The following SCN9A variants were observed in gnomAD, a reference collection of about 807,000 sequenced individuals.
The protein encoded by SCN9A is sodium voltage-gated channel alpha subunit 9.
Under a neutral mutation model 187.0 loss-of-function variants are expected in SCN9A, and 131 were observed. The observed-to-expected ratio is 0.70, with a 90% CI of 0.61 to 0.81. The LOEUF is 0.81. SCN9A is among the 30% of genes least tolerant of loss of function. The pLI, the probability that SCN9A is intolerant of heterozygous loss-of-function variation, is 0.00. For missense variants in SCN9A, 2,252 were observed against 2,396.6 expected (o/e 0.94, Z 1.26); for synonymous variants, 809 against 808.6 (o/e 1.00, Z -0.01).
Position 166,197,300 on chromosome 2 carries a change from A to T in SCN9A, c.*1372T>A, listed in dbSNP as rs1258273355. On this transcript the variant is annotated 3_prime_UTR_variant, in exon 27 of 27. Transcript: ENST00000642356. ...TTAATAGGTGTTTTCAAAAAACTAG[A>T]TGTCTACAGCTAATGCAAAATGAAT... The T allele has an allele frequency of 6.6e-6, 1 of 152,130 alleles. No individual in the cohort carries two copies. The highest frequency in any genetic ancestry group is 1.9e-4 in the East Asian group (1 of 5,190). 9.4% of individuals were successfully genotyped at this position (152,130 alleles called of 1,614,324 possible).
At chr2:166,271,810 A>G (rs1282505154) in intron 17 of SCN9A, among the ~76,000 whole-genome samples, 3 of 151,938 alleles carry the variant, frequency 2.0e-5, no homozygotes, top group Non-Finnish European at 2.9e-5. Context: ...GTAAGCTATG[A>G]TAGCACCACT....
At chr2:166,297,743 A>T (rs1171136840) in intron 7 of SCN9A, among the ~76,000 whole-genome samples, 1 of 152,144 alleles carries the variant, frequency 6.6e-6, no homozygotes, top group Non-Finnish European at 1.5e-5. Flanking sequence ...TACAGTTTAA[A>T]AAAAGGAATT....
At chr2:166,331,626 C>T (rs1389178322) in intron 1 of SCN9A, among the ~76,000 whole-genome samples, 1 of 152,142 alleles carries the variant, frequency 6.6e-6, no homozygotes, top group Non-Finnish European at 1.5e-5. Flanking sequence ...ATTCACTCTT[C>T]TTTATAAACT....
chr2:166,257,027 T>C (rs1696307670), intron 17 of SCN9A, among the ~76,000 whole-genome samples: 2 of 151,758 alleles, frequency 1.3e-5, no homozygotes, highest in African/African-American at 2.4e-5. Flanking sequence ...TAGTATCATC[T>C]TGAAGCATCT....
intron 24 of SCN9A, among the ~76,000 whole-genome samples, chr2:166,207,696 C>T (rs1450314712): frequency 6.6e-6 from 1 of 152,198 alleles, no homozygotes; most frequent in Non-Finnish European, 1.5e-5. Flanking sequence ...CAGCCTTGGC[C>T]TCCCAAAGTG....
chr2:166,271,280 A>G (rs1696972827), intron 17 of SCN9A, among the ~76,000 whole-genome samples: 1 of 152,154 alleles, frequency 6.6e-6, no homozygotes, highest in Admixed American at 6.5e-5. Flanking sequence ...AACATTGAGT[A>G]TGGTTCTAAA....
At chr2:166,245,188 T>C (rs980957972) in intron 18 of SCN9A, among the ~76,000 whole-genome samples, 1 of 152,112 alleles carries the variant, frequency 6.6e-6, no homozygotes, top group Non-Finnish European at 1.5e-5. Context: ...ATGCAAAAGT[T>C]TGGCAAAGTT....
intron 1 of SCN9A, among the ~76,000 whole-genome samples, chr2:166,357,138 AGT>A (rs1700168687): frequency 6.6e-6 from 1 of 152,008 alleles, no homozygotes; most frequent in South Asian, 2.1e-4. Flanking sequence ...AATGGGCCCC[AGT>A]GTGTGTTGTT....
intron 1 of SCN9A, among the ~76,000 whole-genome samples, chr2:166,345,764 G>A (rs763887905): frequency 1.3e-5 from 2 of 151,972 alleles, no homozygotes; most frequent in Non-Finnish European, 2.9e-5. Flanking sequence ...TATATTTTCC[G>A]CTACTACTAC....
intron 8 of SCN9A, among the ~76,000 whole-genome samples, chr2:166,293,869 G>A (rs1284762202): frequency 6.6e-6 from 1 of 152,142 alleles, no homozygotes; most frequent in Non-Finnish European, 1.5e-5. Flanking sequence ...AAAATGTGCA[G>A]CTTTAAGACT....
At chr2:166,224,410 C>T (rs1694758459) in intron 24 of SCN9A, among the ~76,000 whole-genome samples, 1 of 152,082 alleles carries the variant, frequency 6.6e-6, no homozygotes, top group African/African-American at 2.4e-5. Flanking sequence ...GTCAATCATG[C>T]ACACTAATGA....
rs950582875 is a variant in SCN9A at position 166,280,339 on chromosome 2, A to G, written c.2343+18T>C. On this transcript the variant is annotated intron_variant, in intron 14 of 26. Transcript: ENST00000642356. ...AAAAGAGAAACTATGAGTACATAAC[A>G]CACAATAAGAGACTTACCAAATTTC... The G allele has an allele frequency of 1.2e-5, 16 of 1,360,406 alleles. No homozygotes were observed. Among genetic ancestry groups the G allele is most frequent in the Admixed American group, 2.0e-5 (1 of 50,324 alleles). 84.3% of individuals were successfully genotyped at this position (1,360,406 alleles called of 1,614,324 possible).
rs538507615 is a variant in SCN9A at position 166,241,580 on chromosome 2, C to T, written c.3627+922G>A. 5.8e-4 allele frequency among the ~76,000 whole-genome samples: 89 copies of T among 152,214 alleles called. 1 individual carries two copies. The highest frequency in any genetic ancestry group is 2.0e-3 in the African/African-American group (85 of 41,552). Reference sequence around the variant, plus strand: ...TCTGATGCTGTTTTATGCCTCCTTACGATTGTATACTTGTTCCCCTCAGCC... The same window carrying T: ...TCTGATGCTGTTTTATGCCTCCTTATGATTGTATACTTGTTCCCCTCAGCC... On this transcript the variant is annotated intron_variant, in intron 19 of 26. Coordinates refer to ENST00000642356, the MANE Select transcript of SCN9A (RefSeq NM_001365536.1).
intron 15 of SCN9A, among the ~76,000 whole-genome samples, 165 bp from the exon 16 acceptor site, chr2:166,277,504 C>A (rs2106469852): frequency 6.6e-6 from 1 of 152,110 alleles, no homozygotes; most frequent in Non-Finnish European, 1.5e-5. Context: ...TTTTCAATAT[C>A]TCTGTTATTT....
Position 166,272,416 on chromosome 2 carries a change from T to A in SCN9A, c.3334A>T (p.Ser1112Cys), listed in dbSNP as rs528649971. 1 of 1,593,114 alleles carries A rather than the reference T, an allele frequency of 6.3e-7. No individual in the cohort carries two copies. Among genetic ancestry groups the A allele is most frequent in the East Asian group, 2.3e-5 (1 of 44,328 alleles). Residue 1112 changes from serine (S) to cysteine (C), a missense_variant, in exon 17 of 27, where the codon AGT becomes TGT. Physicochemically the swap from Ser to Cys is moderately radical, Grantham distance 112 (BLOSUM62 -1). This residue lies in a region of SCN9A where 313 missense variants were observed against 295.3 expected (regional missense o/e 1.06). Transcript: ENST00000642356. ...NAEELSSDSD[S>C]EYSKVRLNRS... The stretch of plus-strand genomic sequence containing the variant: ...ATTCTTACCACTTTGCTGTATTCAC[T>A]ATCCGAATCACTGCTAAGTTCCTCA...
chr2:166,320,219 G>C (rs1285267590), intron 1 of SCN9A, among the ~76,000 whole-genome samples: 1 of 151,954 alleles, frequency 6.6e-6, no homozygotes, highest in Non-Finnish European at 1.5e-5. Flanking sequence ...AAAATTGTTT[G>C]AATTAGTTAC....
Position 166,199,799 on chromosome 2 carries a change from G to A in SCN9A, c.4840C>T (p.Leu1614Phe). The change falls in exon 27 of 27, where the codon CTT becomes TTT. Residue 1614 changes from leucine (L) to phenylalanine (F), a missense_variant. Transcript: ENST00000642356. ...VSPTLFRVIRLARIGRILRLV... is the reference protein window; with the variant it reads ...VSPTLFRVIRFARIGRILRLV... ...CGTAGGATTCGGCCAATCCTGGCAA[G>A]ACGGATCACTCGGAACAGGGTAGGG... The A allele has an allele frequency of 6.2e-7, 1 of 1,613,966 alleles. No homozygotes were observed. The highest frequency in any genetic ancestry group is 8.5e-7 in the Non-Finnish European group (1 of 1,179,990).
chr2:166,368,841 G>C (rs1700482563), intron 1 of SCN9A, among the ~76,000 whole-genome samples: 1 of 151,724 alleles, frequency 6.6e-6, no homozygotes, highest in African/African-American at 2.4e-5. Flanking sequence ...TACAAAATTA[G>C]CCAGGCGAGG....
intron 1 of SCN9A, among the ~76,000 whole-genome samples, chr2:166,312,441 C>T (rs1176524857): frequency 6.6e-6 from 1 of 152,190 alleles, no homozygotes; most frequent in Non-Finnish European, 1.5e-5. Context: ...TCACTGAAGT[C>T]TTAAACCTCT....
Sources: gnomAD v4.1 joint callset for allele counts (sites outside exome capture counted in the v4.1 genomes callset) on GRCh38, gnomAD v4.1.1 for gene constraint, gnomAD v4.1.1 regional missense constraint, MANE v1.5 for transcripts, NCBI Gene and HGNC (gene_info 2026-07-23, HGNC 2026-07-21) for gene names.